The following MCPH1 variants were observed in gnomAD, a reference collection of about 807,000 sequenced individuals.
MCPH1 encodes microcephalin.
MCPH1 carries 104 observed loss-of-function variants against 84.5 expected under a neutral mutation model. The observed-to-expected ratio is 1.23, with a 90% CI of 1.05 to 1.45. MCPH1 has a LOEUF of 1.45. Ranked by LOEUF, MCPH1 falls within the 40% of genes most tolerant of loss-of-function variation. MCPH1 has a pLI of 0.00. For missense variants in MCPH1, 1,498 were observed against 1,005.7 expected (o/e 1.49, Z -6.62); for synonymous variants, 514 against 366.8 (o/e 1.40, Z -4.58).
Position 6,599,746 on chromosome 8 carries a change from G to A in MCPH1, c.2215-21708G>A, listed in dbSNP as rs149628404. ...CATTTTGTTTTTTTGAAAGTAGTGA[G>A]GGTAGGAAGTTACAGAGAGATTCAA... On this transcript the variant is annotated intron_variant, in intron 12 of 13. Transcript: ENST00000344683. Among the ~76,000 whole-genome samples, 645 of 152,266 alleles carry A rather than the reference G, an allele frequency of 4.2e-3. 6 individuals are homozygous for A. The highest frequency in any genetic ancestry group is 0.014 in the African/African-American group (602 of 41,548).
intron 1 of MCPH1, among the ~76,000 whole-genome samples, chr8:6,408,025 A>T (rs1395031824): frequency 6.6e-6 from 1 of 152,244 alleles, no homozygotes; most frequent in Non-Finnish European, 1.5e-5. Context: ...TAGTTGTGGC[A>T]AATACTGTAT....
At position 6,643,075 on chromosome 8, in the gene MCPH1, C is replaced by G. The variant is rs538332647; in HGVS notation, c.*26C>G. 12 of 1,599,634 alleles carry G rather than the reference C, an allele frequency of 7.5e-6. No homozygotes were observed. The highest frequency in any genetic ancestry group is 3.3e-5 in the Admixed American group (2 of 59,968). ...CAGTGACCTCACTGGCCTGTGGTGA[C>G]TGCACACAGCTCGCAAAACTGTCTT... On this transcript the variant is annotated 3_prime_UTR_variant, in exon 14 of 14. Transcript: ENST00000344683.
intron 12 of MCPH1, among the ~76,000 whole-genome samples, chr8:6,524,254 G>T (rs1022993978): frequency 2.0e-5 from 3 of 152,112 alleles, no homozygotes; most frequent in Non-Finnish European, 4.4e-5. Flanking sequence ...ATATGTCAAT[G>T]ATGGCATCTT....
At chr8:6,411,335 A>C (rs779342464) in intron 2 of MCPH1, among the ~76,000 whole-genome samples, 2 of 152,198 alleles carry the variant, frequency 1.3e-5, no homozygotes, top group Admixed American at 1.3e-4. Context: ...ATTTAGTAGT[A>C]TGACTTGCAG....
intron 12 of MCPH1, among the ~76,000 whole-genome samples, chr8:6,604,190 G>A (rs915149842): frequency 1.7e-4 from 9 of 51,914 alleles, no homozygotes; most frequent in African/African-American, 3.7e-4. Context: ...GGCCTTCCAG[G>A]TTTGCACTGG....
chr8:6,562,578 T>TTTTTTTTTTTTTTTTTTAAAAA, intron 12 of MCPH1: 1 of 880,188 alleles, frequency 1.1e-6, no homozygotes, highest in Non-Finnish European at 1.6e-6. Flanking sequence ...TTTTGGTTGT[T>TTTTTTTTTTTTTTTTTTAAAAA]AAAACCTGAG....
intron 11 of MCPH1, among the ~76,000 whole-genome samples, chr8:6,488,435 T>C (rs143555060): frequency 5.4e-4 from 82 of 152,154 alleles, no homozygotes; most frequent in African/African-American, 1.9e-3. Flanking sequence ...TTTGAAAGAG[T>C]CAAAGTGATT....
chr8:6,588,527 G>C (rs543022081), intron 12 of MCPH1, among the ~76,000 whole-genome samples: 1 of 152,162 alleles, frequency 6.6e-6, no homozygotes, highest in Non-Finnish European at 1.5e-5. Context: ...CATCTCCCAG[G>C]GAGGCTGTGT....
At chr8:6,497,925 A>G (rs1309621919) in intron 11 of MCPH1, among the ~76,000 whole-genome samples, 1 of 152,214 alleles carries the variant, frequency 6.6e-6, no homozygotes. Flanking sequence ...AAACTGAAGA[A>G]GTCTGCCTTA....
intron 13 of MCPH1, chr8:6,642,703 C>T: frequency 2.1e-6 from 1 of 476,872 alleles, no homozygotes; most frequent in Non-Finnish European, 3.8e-6. Context: ...CCACCCTGCC[C>T]ACTGAGTGTC....
chr8:6,453,816 G>C (rs915632010), intron 8 of MCPH1, among the ~76,000 whole-genome samples: 1 of 152,162 alleles, frequency 6.6e-6, no homozygotes, highest in African/African-American at 2.4e-5. Context: ...AAAGATACCT[G>C]AGGAGGTACG....
intron 12 of MCPH1, among the ~76,000 whole-genome samples, chr8:6,568,631 G>C (rs1424702900): frequency 6.6e-6 from 1 of 152,190 alleles, no homozygotes; most frequent in Non-Finnish European, 1.5e-5. Flanking sequence ...AAAAAGCCCT[G>C]CCGAGCTGAA....
At chr8:6,519,250 G>A (rs954081647) in intron 12 of MCPH1, among the ~76,000 whole-genome samples, 2 of 152,106 alleles carry the variant, frequency 1.3e-5, no homozygotes, top group Non-Finnish European at 2.9e-5. Context: ...AAGTCCACAG[G>A]TTGAAACTGT....
At chr8:6,563,975 A>ATTT (rs1563134628) in intron 12 of MCPH1, among the ~76,000 whole-genome samples, 1 of 137,078 alleles carries the variant, frequency 7.3e-6, no homozygotes, top group African/African-American at 2.6e-5. Context: ...AGGAATACAA[A>ATTT]CTTTTTTTTT....
intron 8 of MCPH1, chr8:6,447,422 T>G: frequency 1.0e-6 from 1 of 985,382 alleles, no homozygotes; most frequent in South Asian, 4.7e-5. Context: ...TCAGTTCACT[T>G]TTACTTGTTG....
chr8:6,596,369 C>T lies in MCPH1; in HGVS notation c.2215-25085C>T, dbSNP rs1444800705. 3.3e-5 allele frequency among the ~76,000 whole-genome samples: 5 copies of T among 152,284 alleles called. No homozygotes were observed. In the East Asian group the frequency reaches 9.6e-4, roughly 29 times the overall value. ...GGTCTATGGCACAGCCCCCTGCCTG[C>T]ATCATGGCAGGTTATACACAGTAAA... On this transcript the variant is annotated intron_variant, in intron 12 of 13. Transcript: ENST00000344683.
At chr8:6,447,462 A>G (rs1330917586) in intron 8 of MCPH1, 2 of 972,684 alleles carry the variant, frequency 2.1e-6, no homozygotes, top group African/African-American at 3.5e-5. Flanking sequence ...TACAGTGTAA[A>G]AAAGGCTTCA....
intron 9 of MCPH1, among the ~76,000 whole-genome samples, chr8:6,476,852 T>C (rs962258165): frequency 1.7e-4 from 26 of 152,218 alleles, no homozygotes; most frequent in African/African-American, 5.3e-4. Context: ...TGTTTATATA[T>C]GTATATGCAT....
At chr8:6,625,653 C>T (rs887919661) in intron 13 of MCPH1, 19 of 985,158 alleles carry the variant, frequency 1.9e-5, no homozygotes, top group Admixed American at 6.2e-5. Context: ...TAATTTGAGC[C>T]GGGCGTGGTG....
Sources: allele counts gnomAD v4.1 joint callset (sites outside exome capture counted in the v4.1 genomes callset), GRCh38; gene constraint gnomAD v4.1.1; transcripts MANE v1.5; gene names NCBI Gene and HGNC (gene_info 2026-07-23, HGNC 2026-07-21).